Variants in ABCB11 observed in about 807,000 individuals in gnomAD.
ABCB11 encodes the protein bile salt export pump.
In ABCB11, 95 loss-of-function variants were observed where a neutral mutation model predicts 148.0. The observed-to-expected ratio is 0.64, with a 90% CI of 0.54 to 0.76. The LOEUF (loss-of-function observed/expected upper bound fraction) is 0.76, where lower values mean the gene tolerates loss of function less well. Ranked by LOEUF, ABCB11 falls within the 30% of genes least tolerant of loss-of-function variation. The pLI, the probability that ABCB11 is intolerant of heterozygous loss-of-function variation, is 0.00. For missense variants in ABCB11, 1,523 were observed against 1,617.8 expected (o/e 0.94, Z 1.01); for synonymous variants, 591 against 555.4 (o/e 1.06, Z -0.90).
At position 168,958,018 on chromosome 2, in the gene ABCB11, A is replaced by T; in HGVS notation, c.2289T>A (p.Ala763=). The change falls in exon 19 of 28, where the codon GCT becomes GCA. Residue 763 remains alanine, a synonymous_variant. Transcript: ENST00000650372. ...ACAAGGGTGTGACTGTCCCGTTCAC[A>T]GCTGCACCCACAGACCCTACCAGCA... ...PYMLVGSVGA[A]VNGTVTPLYA... 6.2e-7 allele frequency: 1 copy of T among 1,610,928 alleles called. No homozygotes were observed.
At position 168,968,482 on chromosome 2, in the gene ABCB11, C is replaced by A. The variant is rs772064562; in HGVS notation, c.2020G>T (p.Glu674Ter). The change falls in exon 17 of 28, where the codon GAA becomes TAA. Residue 674 changes from glutamate to a stop codon, truncating the protein, a stop_gained. Coordinates refer to ENST00000650372, the MANE Select transcript of ABCB11 (RefSeq NM_003742.4). LOFTEE classifies it high-confidence loss of function. ...LNEEDIKDAT[E>*]DDMLARTFSR... ...AAGGTCCTCGCAAGCATGTCATCTT[C>A]AGTTGCATCTACTCAACACAGCATG... is the stretch of plus-strand genomic sequence containing the variant. The A allele has an allele frequency of 1.9e-6, 3 of 1,610,858 alleles. No individual in the cohort carries two copies. Among genetic ancestry groups the A allele is most frequent in the Non-Finnish European group, 2.5e-6 (3 of 1,178,226 alleles).
intron 21 of ABCB11, among the ~76,000 whole-genome samples, chr2:168,940,910 C>G (rs1478198839): frequency 6.6e-6 from 1 of 152,110 alleles, no homozygotes; most frequent in Non-Finnish European, 1.5e-5. Flanking sequence ...GGCTGGATGA[C>G]AGCACATCTG....
chr2:168,972,745 T>C (rs1693640936), intron 13 of ABCB11, among the ~76,000 whole-genome samples: 1 of 152,048 alleles, frequency 6.6e-6, no homozygotes, highest in South Asian at 2.1e-4. Context: ...CATTAAATAG[T>C]TAAACGATTC....
At chr2:168,935,021 AC>A (rs1691750878) in intron 23 of ABCB11, among the ~76,000 whole-genome samples, 162 bp downstream of exon 23, 1 of 152,204 alleles carries the variant, frequency 6.6e-6, no homozygotes, top group Non-Finnish European at 1.5e-5. Flanking sequence ...GGTCAGAAGA[AC>A]CGCCCTGATG....
intron 23 of ABCB11, among the ~76,000 whole-genome samples, chr2:168,934,174 T>C (rs1691712852): frequency 6.6e-6 from 1 of 152,218 alleles, no homozygotes; most frequent in African/African-American, 2.4e-5. Flanking sequence ...CAATGGTTTG[T>C]GTTTTCTAAT....
chr2:169,016,384 T>C (rs1053619643), intron 3 of ABCB11, among the ~76,000 whole-genome samples: 8 of 152,206 alleles, frequency 5.3e-5, no homozygotes, highest in African/African-American at 1.4e-4. Context: ...GTGTTCTATA[T>C]GAGAATTCAA....
At chr2:168,992,994 C>A (rs1208589845) in intron 8 of ABCB11, among the ~76,000 whole-genome samples, 1 of 151,900 alleles carries the variant, frequency 6.6e-6, no homozygotes, top group African/African-American at 2.4e-5. Flanking sequence ...ATAATAATTT[C>A]TCAGTCCTTG....
chr2:168,923,856 T>A (rs579275), intron 27 of ABCB11, 34 bp from the exon 28 acceptor site: 44 of 1,605,966 alleles, frequency 2.7e-5, no homozygotes, highest in Non-Finnish European at 3.6e-5. Context: ...GATGCAAAGA[T>A]GCATGATTGC....
chr2:168,944,568 C>A, intron 21 of ABCB11, 37 bp downstream of exon 21: 3 of 1,541,960 alleles, frequency 1.9e-6, no homozygotes, highest in South Asian at 1.3e-5. Flanking sequence ...AATGCCAATG[C>A]AGTTAATATA....
At chr2:168,955,507 G>A (rs1170955035) in intron 19 of ABCB11, among the ~76,000 whole-genome samples, 1 of 151,580 alleles carries the variant, frequency 6.6e-6, no homozygotes, top group African/African-American at 2.4e-5. Context: ...TCACTATTAT[G>A]AGAACAGCAA....
At chr2:169,004,766 AT>A (rs1694972785) in intron 5 of ABCB11, among the ~76,000 whole-genome samples, 1 of 151,974 alleles carries the variant, frequency 6.6e-6, no homozygotes, top group Middle Eastern at 3.2e-3. Context: ...GTTCTCTCTT[AT>A]TTGGGTAGAC....
At chr2:168,947,239 C>G (rs909203886) in intron 19 of ABCB11, among the ~76,000 whole-genome samples, 4 of 151,702 alleles carry the variant, frequency 2.6e-5, no homozygotes, top group Admixed American at 6.6e-5. Flanking sequence ...TTTTCTTGCT[C>G]CTTATACAGA....
In ABCB11 at chr2:168,920,920, T is replaced by A. The variant is rs1284106182; in HGVS notation, c.*2702A>T. On this transcript the variant is annotated 3_prime_UTR_variant, in exon 28 of 28. Transcript: ENST00000650372. Reference sequence around the variant, plus strand: ...TTCCCTGTCATCAATAACTTTCAAGTATCTTATTTGAAAATATAATTTGTA... The same window carrying A: ...TTCCCTGTCATCAATAACTTTCAAGAATCTTATTTGAAAATATAATTTGTA... Among the ~76,000 whole-genome samples the A allele has an allele frequency of 2.0e-5, 3 of 152,258 alleles. No individual in the cohort carries two copies. The highest frequency in any genetic ancestry group is 4.4e-5 in the Non-Finnish European group (3 of 68,038).
chr2:168,919,069 T>C, downstream of ABCB11, among the ~76,000 whole-genome samples: 1 of 152,156 alleles, frequency 6.6e-6, no homozygotes, highest in East Asian at 1.9e-4. Context: ...TAGTTTCCAT[T>C]ATGAAATATG....
At chr2:168,987,250 C>T (rs993305930) in intron 9 of ABCB11, among the ~76,000 whole-genome samples, 1 of 152,082 alleles carries the variant, frequency 6.6e-6, no homozygotes, top group African/African-American at 2.4e-5. Flanking sequence ...GTAAGAGTTG[C>T]TATTCAGTTG....
intron 7 of ABCB11, among the ~76,000 whole-genome samples, chr2:168,994,276 T>C (rs1246270471): frequency 6.6e-6 from 1 of 152,128 alleles, no homozygotes; most frequent in Non-Finnish European, 1.5e-5. Context: ...CAATCTTGTA[T>C]AATCCCCCAA....
chr2:168,926,627 A>G (rs995788928), intron 26 of ABCB11, among the ~76,000 whole-genome samples: 2 of 152,232 alleles, frequency 1.3e-5, no homozygotes, highest in African/African-American at 2.4e-5. Context: ...AAAATTAAAG[A>G]GTATGTTGAT....
rs1255961043 is a variant in ABCB11 at position 168,922,633 on chromosome 2, A to G, written c.*989T>C. ...TTGTCCATTTGCTTTCTGGCTCCCA[A>G]GATTTTGCAGGTGGCATCACTGTGT... On this transcript the variant is annotated 3_prime_UTR_variant, in exon 28 of 28. Coordinates refer to ENST00000650372, the MANE Select transcript of ABCB11 (RefSeq NM_003742.4). Among the ~76,000 whole-genome samples the G allele has an allele frequency of 6.6e-6, 1 of 152,120 alleles. No individual in the cohort carries two copies. Among genetic ancestry groups the G allele is most frequent in the African/African-American group, 2.4e-5 (1 of 41,402 alleles).
chr2:169,029,263 T>C (rs1438132168), intron 1 of ABCB11, among the ~76,000 whole-genome samples: 4 of 114,104 alleles, frequency 3.5e-5, no homozygotes, highest in African/African-American at 1.0e-4. Context: ...ACTACAGTTT[T>C]CTTTTCTTTC....
Sources: gnomAD v4.1 joint callset for allele counts (sites outside exome capture counted in the v4.1 genomes callset) on GRCh38, gnomAD v4.1.1 for gene constraint, MANE v1.5 for transcripts, NCBI Gene and HGNC (gene_info 2026-07-23, HGNC 2026-07-21) for gene names.